Variants in ATP2B4 observed in about 807,000 individuals in gnomAD.
ATP2B4 encodes the protein ATPase plasma membrane Ca2+ transporting 4.
ATP2B4 carries 39 observed loss-of-function variants against 110.3 expected under a neutral mutation model. The observed-to-expected ratio is 0.35, with a 90% CI of 0.27 to 0.46. The LOEUF (loss-of-function observed/expected upper bound fraction) is 0.46. Ranked by LOEUF, ATP2B4 falls within the 20% of genes least tolerant of loss-of-function variation. ATP2B4 has a pLI of 1.00. For missense variants in ATP2B4, 1,135 were observed against 1,530.9 expected (o/e 0.74, Z 4.32); for synonymous variants, 538 against 571.7 (o/e 0.94, Z 0.84).
intron 2 of ATP2B4, among the ~76,000 whole-genome samples, chr1:203,695,188 G>A (rs1339975934): frequency 3.3e-5 from 5 of 152,142 alleles, no homozygotes; most frequent in Admixed American, 6.5e-5. Context: ...TTTTTGAGAA[G>A]CGTCCCAGGT....
intron 10 of ATP2B4, among the ~76,000 whole-genome samples, chr1:203,709,075 T>G (rs1206970109): frequency 6.6e-6 from 1 of 152,044 alleles, no homozygotes; most frequent in Non-Finnish European, 1.5e-5. Flanking sequence ...AAGAATCACT[T>G]GAACCTGGGA....
intron 20 of ATP2B4, among the ~76,000 whole-genome samples, chr1:203,728,955 C>G (rs1471734472): frequency 6.7e-6 from 1 of 149,914 alleles, no homozygotes; most frequent in Non-Finnish European, 1.5e-5. Context: ...GAAACCCCGT[C>G]TCTACTAAAA....
chr1:203,713,383 G>A (rs1666068501), intron 14 of ATP2B4, 131 bp downstream of exon 14: 2 of 850,904 alleles, frequency 2.4e-6, no homozygotes, highest in East Asian at 5.0e-5. Flanking sequence ...CAGGCTAGTG[G>A]GGAGAACATA....
intron 2 of ATP2B4, among the ~76,000 whole-genome samples, chr1:203,696,983 C>T (rs1215281899): frequency 6.6e-6 from 1 of 152,108 alleles, no homozygotes; most frequent in Non-Finnish European, 1.5e-5. Flanking sequence ...TGCTGCTAAT[C>T]AAGTACTGCG....
chr1:203,697,643 G>C (rs1397420013), intron 2 of ATP2B4, among the ~76,000 whole-genome samples: 19 of 152,176 alleles, frequency 1.2e-4, no homozygotes, highest in Admixed American at 1.2e-3. Flanking sequence ...GGGCAGATTA[G>C]GATGGTTGTC....
At chr1:203,638,164 C>A (rs1022762947) in intron 1 of ATP2B4, among the ~76,000 whole-genome samples, 1 of 152,076 alleles carries the variant, frequency 6.6e-6, no homozygotes, top group Non-Finnish European at 1.5e-5. Flanking sequence ...TGCTACCACC[C>A]GACTGAGGAC....
intron 7 of ATP2B4, among the ~76,000 whole-genome samples, chr1:203,702,280 AC>A (rs1665718092): frequency 6.6e-6 from 1 of 151,960 alleles, no homozygotes; most frequent in Non-Finnish European, 1.5e-5. Context: ...GGACAACAGC[AC>A]CCTCTGCTGT....
chr1:203,629,848 G>C lies in ATP2B4; in HGVS notation c.-465+2629G>C, dbSNP rs1039034965. Among the ~76,000 whole-genome samples the C allele has an allele frequency of 6.6e-6, 1 of 152,190 alleles. No homozygotes were observed. Among genetic ancestry groups the C allele is most frequent in the African/African-American group, 2.4e-5 (1 of 41,442 alleles). On this transcript the variant is annotated intron_variant, in intron 1 of 20. Transcript: ENST00000357681. This position sits in a 1 kb window ranked among gnomAD's most constrained non-coding sequence, Gnocchi z 4.6. ...GCCCGTCTTACCCCTGGGACTCCCA[G>C]CGCCCAGCACGGAGCCTGGGATGTT...
At chr1:203,634,610 C>G (rs1380583022) in intron 1 of ATP2B4, among the ~76,000 whole-genome samples, 1 of 152,146 alleles carries the variant, frequency 6.6e-6, no homozygotes, top group African/African-American at 2.4e-5. Flanking sequence ...TTAGTTTGGG[C>G]TGCTAAAACA....
intron 1 of ATP2B4, chr1:203,657,352 C>A (rs923637091): frequency 2.7e-6 from 2 of 745,324 alleles, no homozygotes; most frequent in African/African-American, 1.7e-5. Context: ...ACTTTTAATA[C>A]GTCTGTTTCT....
Position 203,700,805 on chromosome 1 carries a change from T to C in ATP2B4, c.783T>C (p.His261=). ...TTCTCCTTTCCCGTGTAGGGACCCATGTCATGGAAGGTTCTGGCCGGATGG... is the reference window on the plus strand; with the variant it reads ...TTCTCCTTTCCCGTGTAGGGACCCACGTCATGGAAGGTTCTGGCCGGATGG... ...DKDPMLLSGT[H]VMEGSGRMVV... Residue 261 remains histidine (H), a synonymous_variant, in exon 6 of 21, where the codon CAT becomes CAC. Coordinates refer to ENST00000357681, the MANE Select transcript of ATP2B4 (RefSeq NM_001684.5). 1 of 1,612,840 alleles carries C rather than the reference T, an allele frequency of 6.2e-7. No individual in the cohort carries two copies.
rs368325793 is a variant in ATP2B4 at position 203,700,824 on chromosome 1, C to T, written c.802C>T (p.Arg268Trp). Residue 268 changes from arginine (R) to tryptophan (W), a missense_variant, in exon 6 of 21, where the codon CGG (arginine) becomes TGG (tryptophan). By Grantham distance (101) the Arg-to-Trp change is moderately radical (BLOSUM62 -3). Transcript: ENST00000357681. ...SGTHVMEGSGRMVVTAVGVNS... is the reference protein window; with the variant it reads ...SGTHVMEGSGWMVVTAVGVNS... ...GACCCATGTCATGGAAGGTTCTGGCCGGATGGTGGTGACAGCTGTTGGTGT... is the reference window on the plus strand; with the variant it reads ...GACCCATGTCATGGAAGGTTCTGGCTGGATGGTGGTGACAGCTGTTGGTGT... 24 of 1,612,998 alleles carry T rather than the reference C, an allele frequency of 1.5e-5. No homozygotes were observed. Among genetic ancestry groups the T allele is most frequent in the East Asian group, 2.2e-5 (1 of 44,784 alleles).
At chr1:203,660,935 C>T (rs929938916) in intron 1 of ATP2B4, among the ~76,000 whole-genome samples, 1 of 151,822 alleles carries the variant, frequency 6.6e-6, no homozygotes, top group Non-Finnish European at 1.5e-5. Flanking sequence ...CATGGTGAAA[C>T]CCTGTCTCTA....
intron 1 of ATP2B4, among the ~76,000 whole-genome samples, chr1:203,675,715 TGAGG>T (rs1664809213): frequency 6.6e-6 from 1 of 151,928 alleles, no homozygotes; most frequent in Non-Finnish European, 1.5e-5. Context: ...GGGAAGTAAG[TGAGG>T]GAGGCCCGTG....
Position 203,629,531 on chromosome 1 carries a change from G to GGGGT in ATP2B4, c.-465+2313_-465+2316dup, listed in dbSNP as rs1049566450. On this transcript the variant is annotated intron_variant, in intron 1 of 20. Transcript: ENST00000357681. The surrounding 1 kb of genome is among the most constrained non-coding windows in gnomAD (Gnocchi z 4.6). ...GCCTGAGCCCGGGGTCGCGGCCAAAGGGGTAATCGGCTCCCGCAGTCTCAG... is the reference window on the plus strand; with the variant it reads ...GCCTGAGCCCGGGGTCGCGGCCAAAGGGGTGGGTAATCGGCTCCCGCAGTCTCAG... Among the ~76,000 whole-genome samples the GGGGT allele has an allele frequency of 9.9e-5, 15 of 152,238 alleles. No individual in the cohort carries two copies. The highest frequency in any genetic ancestry group is 3.6e-4 in the African/African-American group (15 of 41,548).
intron 2 of ATP2B4, among the ~76,000 whole-genome samples, chr1:203,696,073 C>T (rs539722719): frequency 2.0e-5 from 3 of 152,058 alleles, no homozygotes; most frequent in East Asian, 3.9e-4. Context: ...TACAGGCATG[C>T]GCCACCACAC....
intron 1 of ATP2B4, among the ~76,000 whole-genome samples, chr1:203,639,172 A>G (rs967545430): frequency 3.3e-5 from 5 of 152,206 alleles, no homozygotes; most frequent in African/African-American, 1.2e-4. Flanking sequence ...TGACTAAGTC[A>G]GGTTGGCTGC....
chr1:203,677,144 T>C (rs74137845), intron 1 of ATP2B4, among the ~76,000 whole-genome samples: 5,940 of 152,168 alleles, frequency 0.039, 139 homozygotes, highest in African/African-American at 0.061. Context: ...GTCCTTCTTA[T>C]AGGGTTGTTG....
intron 20 of ATP2B4, chr1:203,729,747 T>G: frequency 7.4e-7 from 1 of 1,349,922 alleles, no homozygotes; most frequent in South Asian, 1.2e-5. Context: ...GTTGCTGGCC[T>G]CACATCCAAT....
Sources: allele counts gnomAD v4.1 joint callset (sites outside exome capture counted in the v4.1 genomes callset), GRCh38; gene constraint gnomAD v4.1.1; non-coding constraint Gnocchi (gnomAD v3.1); transcripts MANE v1.5; gene names NCBI Gene and HGNC (gene_info 2026-07-23, HGNC 2026-07-21).